USP45: variants seen among roughly 807,000 people sequenced by gnomAD.
USP45 encodes ubiquitin carboxyl-terminal hydrolase 45.
In USP45, 89 loss-of-function variants were observed where a neutral mutation model predicts 95.8. The observed-to-expected ratio is 0.93, with a 90% CI of 0.78 to 1.11. The LOEUF is 1.11. USP45 is among the 50% of genes least tolerant of loss of function. The probability of loss-of-function intolerance (pLI) is 0.00; values close to 1 mark genes in which losing one functional copy is unlikely to be tolerated. For missense variants in USP45, 898 were observed against 942.5 expected, an observed-to-expected ratio of 0.95 and a Z score of 0.62; for synonymous variants, 281 against 316.2, an observed-to-expected ratio of 0.89 and a Z score of 1.18.
rs536742670 is a variant in USP45 at position 99,503,845 on chromosome 6, T to G, written c.398A>C (p.Lys133Thr). The change falls in exon 5 of 18, where the codon AAA becomes ACA. Residue 133 changes from lysine to threonine, a missense_variant. Transcript: ENST00000500704. ...CTTCTTATTACAATGCGTTGATAAT[T>G]TTTCATCACATTCATAACACCTGAA... ...WIIWCYECDE[K>T]LSTHCNKKVL... 1.6e-5 allele frequency: 25 copies of G among 1,591,762 alleles called. No homozygotes were observed. The East Asian group carries it at 5.7e-4, about 36-fold the overall frequency.
At chr6:99,499,886 A>G (rs945767192) in intron 5 of USP45, among the ~76,000 whole-genome samples, 3 of 152,204 alleles carry the variant, frequency 2.0e-5, no homozygotes, top group South Asian at 2.1e-4. Flanking sequence ...GTTGTTACCT[A>G]AAACAGAAAT....
At chr6:99,448,889 T>C (rs1043399083) in intron 13 of USP45, among the ~76,000 whole-genome samples, 8 of 151,956 alleles carry the variant, frequency 5.3e-5, no homozygotes, top group African/African-American at 1.7e-4. Context: ...CTTAAAAGAA[T>C]TTTCACCCCA....
intron 1 of USP45, among the ~76,000 whole-genome samples, chr6:99,512,594 C>A (rs1319240959): frequency 2.0e-5 from 3 of 152,202 alleles, no homozygotes; most frequent in Non-Finnish European, 4.4e-5. Flanking sequence ...TGCTGACTTA[C>A]TTCTCAATGA....
At position 99,481,176 on chromosome 6, in the gene USP45, C is replaced by T. The variant is rs115741303; in HGVS notation, c.845+1577G>A. 4.9e-3 allele frequency among the ~76,000 whole-genome samples: 745 copies of T among 152,214 alleles called. 11 individuals are homozygous for T. The highest frequency in any genetic ancestry group is 0.017 in the African/African-American group (710 of 41,524). ...AGAATTTATCCTACAGATGTACTTCCGCAAGTACAGTGTATTCATACAAAA... is the reference window on the plus strand; with the variant it reads ...AGAATTTATCCTACAGATGTACTTCTGCAAGTACAGTGTATTCATACAAAA... On this transcript the variant is annotated intron_variant, in intron 8 of 17. Transcript: ENST00000500704.
rs548430897 is a variant in USP45, at chr6:99,462,336, T to C, written c.1308+2268A>G. 1.3e-5 allele frequency: 13 copies of C among 985,190 alleles called. No individual in the cohort carries two copies. In the Admixed American group the frequency reaches 6.8e-4, roughly 51 times the overall value. 61.0% of individuals were successfully genotyped at this position (985,190 alleles called of 1,614,324 possible). On this transcript the variant is annotated intron_variant, in intron 13 of 17. Coordinates refer to ENST00000500704, the MANE Select transcript of USP45 (RefSeq NM_001346022.3). ...TATTCTCAGTTCCTAACCAATACTG[T>C]GTGGAAAGTATTTCTCTCATACATT...
intron 5 of USP45, among the ~76,000 whole-genome samples, chr6:99,496,155 A>T (rs1275979352): frequency 6.6e-6 from 1 of 152,148 alleles, no homozygotes; most frequent in Admixed American, 6.6e-5. Context: ...AAAAAAACAG[A>T]CAAAAATAAA....
At chr6:99,474,260 C>T (rs951537348) in intron 9 of USP45, among the ~76,000 whole-genome samples, 4 of 152,002 alleles carry the variant, frequency 2.6e-5, no homozygotes, top group Admixed American at 6.5e-5. Context: ...TGCAGTGGTG[C>T]GATCACAGCT....
At chr6:99,503,630 G>A (rs957864194) in intron 5 of USP45, 135 bp downstream of exon 5, 4 of 602,028 alleles carry the variant, frequency 6.6e-6, no homozygotes, top group Non-Finnish European at 8.0e-6. Context: ...GCACCCAGCC[G>A]ATACTCATAA....
At chr6:99,508,537 A>G (rs1485875468) in intron 3 of USP45, 73 bp downstream of exon 3, 4 of 1,424,524 alleles carry the variant, frequency 2.8e-6, no homozygotes, top group Non-Finnish European at 3.8e-6. Flanking sequence ...TGCATGACCA[A>G]CAGTCCAACT....
intron 9 of USP45, among the ~76,000 whole-genome samples, chr6:99,469,760 G>A (rs1382607284): frequency 6.6e-6 from 1 of 151,706 alleles, no homozygotes; most frequent in African/African-American, 2.4e-5. Flanking sequence ...TGGAATTACA[G>A]GCATGAGCTG....
intron 7 of USP45, among the ~76,000 whole-genome samples, chr6:99,487,949 C>A (rs1197559229): frequency 1.3e-5 from 2 of 152,126 alleles, no homozygotes; most frequent in African/African-American, 4.8e-5. Flanking sequence ...TTGTTTCTTC[C>A]AGTATGTTTA....
At chr6:99,449,298 A>G (rs1783294163) in intron 13 of USP45, among the ~76,000 whole-genome samples, 1 of 152,218 alleles carries the variant, frequency 6.6e-6, no homozygotes, top group African/African-American at 2.4e-5. Flanking sequence ...AGACACACAT[A>G]GACTCAAAAT....
chr6:99,497,102 A>G (rs1178922137), intron 5 of USP45, among the ~76,000 whole-genome samples: 2 of 149,596 alleles, frequency 1.3e-5, no homozygotes, highest in Non-Finnish European at 3.0e-5. Flanking sequence ...CTTCCCCTCA[A>G]CCCCTTTCAA....
intron 8 of USP45, among the ~76,000 whole-genome samples, chr6:99,480,457 C>T (rs902654306): frequency 2.0e-5 from 3 of 152,274 alleles, no homozygotes; most frequent in Admixed American, 1.3e-4. Flanking sequence ...GGGCAGATCA[C>T]CTGAGGTTGG....
intron 13 of USP45, among the ~76,000 whole-genome samples, chr6:99,459,403 G>A (rs1489628819): frequency 6.6e-6 from 1 of 152,136 alleles, no homozygotes; most frequent in Non-Finnish European, 1.5e-5. Flanking sequence ...CATTTAGGTT[G>A]ATTCCATGTC....
intron 4 of USP45, among the ~76,000 whole-genome samples, chr6:99,506,225 T>G (rs937201950): frequency 6.6e-6 from 1 of 152,180 alleles, no homozygotes; most frequent in African/African-American, 2.4e-5. Context: ...AGATTCAAGT[T>G]GGAAAATTAT....
chr6:99,491,756 CTT>C (rs533954676), intron 5 of USP45, among the ~76,000 whole-genome samples: 1 of 146,006 alleles, frequency 6.8e-6, no homozygotes, highest in Non-Finnish European at 1.5e-5. Context: ...TCAAAAATAT[CTT>C]TTTTTTTTTG....
At chr6:99,490,895 C>G (rs567178659) in intron 5 of USP45, among the ~76,000 whole-genome samples, 42 of 152,254 alleles carry the variant, frequency 2.8e-4, no homozygotes, top group African/African-American at 1.0e-3. Context: ...ATTAAGCAAA[C>G]CTATTTCATG....
intron 1 of USP45, among the ~76,000 whole-genome samples, chr6:99,514,554 A>C (rs1022665166): frequency 6.6e-6 from 1 of 152,188 alleles, no homozygotes; most frequent in Non-Finnish European, 1.5e-5. Flanking sequence ...TAAACTTTAC[A>C]GTTTTCAAGT....
Sources: allele counts gnomAD v4.1 joint callset (sites outside exome capture counted in the v4.1 genomes callset), GRCh38; gene constraint gnomAD v4.1.1; transcripts MANE v1.5; gene names NCBI Gene and HGNC (gene_info 2026-07-23, HGNC 2026-07-21).